XYLT1: variants seen among roughly 807,000 people sequenced by gnomAD.
XYLT1 encodes the protein beta-D-xylosyltransferase 1.
XYLT1 carries 36 observed loss-of-function variants against 91.3 expected under a neutral mutation model. That is an observed-to-expected ratio of 0.39 (90% CI 0.30 to 0.52). The LOEUF (loss-of-function observed/expected upper bound fraction) is 0.52, where lower values mean the gene tolerates loss of function less well. XYLT1 is among the 20% of genes least tolerant of loss of function. The probability of loss-of-function intolerance (pLI) is 0.68; values close to 1 mark genes in which losing one functional copy is unlikely to be tolerated. For synonymous variants in XYLT1, 588 were observed against 532.0 expected (o/e 1.11, Z -1.45); for missense variants, 1,242 against 1,284.5 (o/e 0.97, Z 0.51).
At chr16:17,156,569 G>A (rs1288910230) in intron 6 of XYLT1, among the ~76,000 whole-genome samples, 1 of 152,232 alleles carries the variant, frequency 6.6e-6, no homozygotes, top group Admixed American at 6.5e-5. Context: ...CCAGCTGTGT[G>A]ATCTTCAGAA....
At chr16:17,326,700 CTG>C (rs1430830206) in intron 2 of XYLT1, among the ~76,000 whole-genome samples, 3 of 152,060 alleles carry the variant, frequency 2.0e-5, no homozygotes, top group African/African-American at 7.2e-5. Context: ...TGGCAGGCAC[CTG>C]TAGTCCCAGC....
intron 5 of XYLT1, among the ~76,000 whole-genome samples, chr16:17,161,324 G>A (rs997375096): frequency 2.0e-5 from 3 of 152,190 alleles, no homozygotes; most frequent in African/African-American, 2.4e-5. Flanking sequence ...GGGGGCTGAG[G>A]TTTCCAGGCC....
At chr16:17,247,528 T>C (rs1423300034) in intron 3 of XYLT1, among the ~76,000 whole-genome samples, 1 of 152,180 alleles carries the variant, frequency 6.6e-6, no homozygotes, top group African/African-American at 2.4e-5. Flanking sequence ...GACCGATGGA[T>C]TAATGAAAGT....
At chr16:17,384,131 C>G (rs1238897781) in intron 1 of XYLT1, among the ~76,000 whole-genome samples, 3 of 151,762 alleles carry the variant, frequency 2.0e-5, no homozygotes. Context: ...CTGGGGGTTG[C>G]TGGGAGGATC....
intron 2 of XYLT1, among the ~76,000 whole-genome samples, chr16:17,279,175 G>A (rs2034020978): frequency 6.6e-6 from 1 of 152,184 alleles, no homozygotes; most frequent in Non-Finnish European, 1.5e-5. Context: ...TCTGTGATCA[G>A]GAGCATGAAT....
At chr16:17,122,051 T>G (rs2030079244) in intron 10 of XYLT1, among the ~76,000 whole-genome samples, 2 of 152,180 alleles carry the variant, frequency 1.3e-5, no homozygotes, top group South Asian at 4.1e-4. Context: ...TTGTGAATTG[T>G]GCTGCTATAA....
intron 1 of XYLT1, among the ~76,000 whole-genome samples, chr16:17,415,881 A>T (rs1176801718): frequency 2.0e-5 from 3 of 152,218 alleles, no homozygotes; most frequent in Non-Finnish European, 4.4e-5. Context: ...ATCCCTGATC[A>T]TGGATCAAGA....
intron 1 of XYLT1, among the ~76,000 whole-genome samples, chr16:17,394,675 C>A (rs767819231): frequency 1.3e-5 from 2 of 152,202 alleles, no homozygotes; most frequent in African/African-American, 2.4e-5. Flanking sequence ...TGGAGCTAGA[C>A]CGCCTGGGTT....
intron 1 of XYLT1, among the ~76,000 whole-genome samples, chr16:17,435,923 A>C (rs904419917): frequency 6.6e-6 from 1 of 152,150 alleles, no homozygotes; most frequent in Non-Finnish European, 1.5e-5. Context: ...GTCTCCACTG[A>C]TATGGTTTGG....
At chr16:17,222,355 C>T (rs2032984164) in intron 3 of XYLT1, among the ~76,000 whole-genome samples, 1 of 152,132 alleles carries the variant, frequency 6.6e-6, no homozygotes, top group African/African-American at 2.4e-5. Context: ...AGGTAGAAGC[C>T]AGGGATACCG....
At chr16:17,146,480 G>T in intron 6 of XYLT1, among the ~76,000 whole-genome samples, 1 of 152,150 alleles carries the variant, frequency 6.6e-6, no homozygotes, top group East Asian at 1.9e-4. Flanking sequence ...TGTAAAGTTA[G>T]ATCCCTACAG....
chr16:17,443,024 T>C (rs1470510253), intron 1 of XYLT1, among the ~76,000 whole-genome samples: 1 of 152,206 alleles, frequency 6.6e-6, no homozygotes. Context: ...ATTTGAGGAC[T>C]GGACGCATTG....
intron 5 of XYLT1, among the ~76,000 whole-genome samples, chr16:17,169,505 G>T (rs1350666549): frequency 6.6e-6 from 1 of 152,160 alleles, no homozygotes; most frequent in African/African-American, 2.4e-5. Flanking sequence ...CAGTTTATCT[G>T]ATGTTCTATC....
chr16:17,456,736 G>C (rs2036749037), intron 1 of XYLT1, among the ~76,000 whole-genome samples: 1 of 152,140 alleles, frequency 6.6e-6, no homozygotes, highest in South Asian at 2.1e-4. Flanking sequence ...TGACACACAG[G>C]CTCCTGAGTC....
At chr16:17,179,516 A>C (rs1284409031) in intron 5 of XYLT1, among the ~76,000 whole-genome samples, 2 of 152,140 alleles carry the variant, frequency 1.3e-5, no homozygotes, top group Non-Finnish European at 1.5e-5. Context: ...TTTCCATGCA[A>C]TAGTTTTCCT....
rs141246105 is a variant in XYLT1, at chr16:17,434,419, C to T, written c.363+36015G>A. ...ATCCACACAATGCCTTTCTGTCTTT[C>T]GTAAGTATGCAATGATGAAGATGCA... On this transcript the variant is annotated intron_variant, in intron 1 of 11. Coordinates refer to ENST00000261381, the MANE Select transcript of XYLT1 (RefSeq NM_022166.4). 8.3e-3 allele frequency among the ~76,000 whole-genome samples: 1,268 copies of T among 152,308 alleles called. 9 individuals carry two copies. Among genetic ancestry groups the T allele is most frequent in the Middle Eastern group, 0.031 (9 of 294 alleles).
Position 17,154,731 on chromosome 16 carries a change from T to C in XYLT1, c.1370+4098A>G, listed in dbSNP as rs185318168. ...ATAACAGAAACAATCAGGACCAATTTGGCAGCTATTAGAATACTAGTTTGC... is the reference window on the plus strand; with the variant it reads ...ATAACAGAAACAATCAGGACCAATTCGGCAGCTATTAGAATACTAGTTTGC... On this transcript the variant is annotated intron_variant, in intron 6 of 11. Coordinates refer to ENST00000261381, the MANE Select transcript of XYLT1 (RefSeq NM_022166.4). 2.9e-3 allele frequency among the ~76,000 whole-genome samples: 440 copies of C among 152,282 alleles called. 1 individual carries two copies. Among genetic ancestry groups the C allele is most frequent in the Non-Finnish European group, 4.7e-3 (317 of 68,020 alleles).
At chr16:17,223,447 GC>G (rs1217378301) in intron 3 of XYLT1, among the ~76,000 whole-genome samples, 2 of 152,364 alleles carry the variant, frequency 1.3e-5, no homozygotes, top group Non-Finnish European at 2.9e-5. Context: ...CACATCGTTT[GC>G]AGTCAGGTCT....
At chr16:17,110,559 G>A (rs1467643258) in intron 11 of XYLT1, among the ~76,000 whole-genome samples, 2 of 152,082 alleles carry the variant, frequency 1.3e-5, no homozygotes, top group African/African-American at 2.4e-5. Flanking sequence ...GAAACTGTGA[G>A]TCCATTAAAC....
Sources: gnomAD v4.1 joint callset for allele counts (sites outside exome capture counted in the v4.1 genomes callset) on GRCh38, gnomAD v4.1.1 for gene constraint, MANE v1.5 for transcripts, NCBI Gene and HGNC (gene_info 2026-07-23, HGNC 2026-07-21) for gene names.